The following ABCD2 variants were observed in gnomAD, a reference collection of about 807,000 sequenced individuals.
ABCD2 encodes ATP-binding cassette sub-family D member 2.
Under a neutral mutation model 70.9 loss-of-function variants are expected in ABCD2, and 36 were observed. The ratio of observed to expected loss-of-function variants is 0.51; its 90% confidence interval spans 0.39 to 0.67. The LOEUF is 0.67. ABCD2 is among the 30% of genes least tolerant of loss of function. The pLI is 0.00. For missense variants in ABCD2, 729 were observed against 890.2 expected (o/e 0.82, Z 2.30); for synonymous variants, 304 against 306.9 (o/e 0.99, Z 0.10).
At position 39,558,684 on chromosome 12, in the gene ABCD2, C is replaced by T. The variant is rs143852755; in HGVS notation, c.2004-4553G>A. The stretch of plus-strand genomic sequence containing the variant: ...TGCTTTGCTTCCCCCTCACCTTCTG[C>T]CACGATCATAAGTTTTCTGAGGCCT... On this transcript the variant is annotated intron_variant, in intron 9 of 9. Coordinates refer to ENST00000308666, the MANE Select transcript of ABCD2 (RefSeq NM_005164.4). Among the ~76,000 whole-genome samples the T allele has an allele frequency of 6.0e-3, 918 of 152,278 alleles. 2 individuals are homozygous for T. The highest frequency in any genetic ancestry group is 0.024 in the Middle Eastern group (7 of 294).
chr12:39,562,515 T>C (rs1225082121), intron 9 of ABCD2, among the ~76,000 whole-genome samples: 4 of 152,066 alleles, frequency 2.6e-5, no homozygotes, highest in African/African-American at 7.2e-5. Flanking sequence ...TTATAATTAA[T>C]ACTACAGAAA....
At position 39,586,238 on chromosome 12, in the gene ABCD2, T is replaced by C; in HGVS notation, c.1706A>G (p.Asp569Gly). 1.2e-6 allele frequency: 2 copies of C among 1,613,600 alleles called. No homozygotes were observed. The highest frequency in any genetic ancestry group is 1.7e-6 in the Non-Finnish European group (2 of 1,179,668). Reference protein sequence around the residue: ...DQVIYPDSVDDMHDKGYTDQD... With the variant: ...DQVIYPDSVDGMHDKGYTDQD... ...GTCTGTATAACCTTTATCATGCATA[T>C]CATCCACTGAATCAGGGTAAATGAC... is the stretch of plus-strand genomic sequence containing the variant. Residue 569 changes from aspartate (D) to glycine (G), a missense_variant, in exon 7 of 10, where the codon GAT (aspartate) becomes GGT (glycine). Physicochemically the swap from Asp to Gly is moderately conservative, Grantham distance 94. Coordinates refer to ENST00000308666, the MANE Select transcript of ABCD2 (RefSeq NM_005164.4).
Position 39,604,937 on chromosome 12 carries a change from G to A in ABCD2, c.1237-7C>T. ...AGCCTGCTAATTCAGTGACCTAAAA[G>A]CAACACAGAGATATAAAATAGAGTT... On this transcript the variant is annotated splice_region_variant and splice_polypyrimidine_tract_variant and intron_variant, in intron 3 of 9. Transcript: ENST00000308666. The A allele has an allele frequency of 6.4e-7, 1 of 1,565,098 alleles. No individual in the cohort carries two copies. Among genetic ancestry groups the A allele is most frequent in the Non-Finnish European group, 8.6e-7 (1 of 1,161,206 alleles).
chr12:39,570,206 T>C (rs1314171200), intron 9 of ABCD2, among the ~76,000 whole-genome samples: 6 of 152,234 alleles, frequency 3.9e-5, no homozygotes, highest in South Asian at 2.1e-4. Context: ...GAAATGCCAA[T>C]GATAGTCTTC....
At chr12:39,543,294 A>T in the ABCD2 span, among the ~76,000 whole-genome samples, 1 of 152,214 alleles carries the variant, frequency 6.6e-6, no homozygotes, top group Non-Finnish European at 1.5e-5. Context: ...CCAGCGTGAC[A>T]TTTGGACCCT....
chr12:39,586,949 G>A (rs896624565), intron 6 of ABCD2, among the ~76,000 whole-genome samples: 1 of 152,168 alleles, frequency 6.6e-6, no homozygotes, highest in Non-Finnish European at 1.5e-5. Context: ...CCACTGGCAG[G>A]CCTATGGGTA....
At chr12:39,532,069 T>C in the ABCD2 span, among the ~76,000 whole-genome samples, 2 of 152,148 alleles carry the variant, frequency 1.3e-5, no homozygotes, top group East Asian at 1.9e-4. Context: ...ACCTGAGAAA[T>C]AGAAGTGTAG....
At chr12:39,571,238 G>A (rs192766657) in intron 9 of ABCD2, among the ~76,000 whole-genome samples, 95 of 152,228 alleles carry the variant, frequency 6.2e-4, no homozygotes, top group Non-Finnish European at 1.1e-3. Context: ...CAAAGGAAAT[G>A]ATCTCAGTAT....
downstream of ABCD2, chr12:39,550,024 A>G (rs2120498409): frequency 6.6e-6 from 1 of 151,910 alleles, no homozygotes; most frequent in Admixed American, 6.6e-5. Context: ...TTCAATGGTC[A>G]CAAGCATCTT....
chr12:39,589,483 G>A (rs545613823), intron 6 of ABCD2, among the ~76,000 whole-genome samples: 27 of 147,816 alleles, frequency 1.8e-4, no homozygotes, highest in African/African-American at 6.2e-4. Flanking sequence ...TCCGCCTCCC[G>A]GGTTCTCGCT....
chr12:39,557,948 T>TG (rs1941194877), intron 9 of ABCD2, among the ~76,000 whole-genome samples: 1 of 152,324 alleles, frequency 6.6e-6, no homozygotes, highest in Admixed American at 6.5e-5. Flanking sequence ...GAGCCCCCAC[T>TG]GGGGCATTGC....
chr12:39,559,530 G>C (rs1388410393), intron 9 of ABCD2, among the ~76,000 whole-genome samples: 1 of 151,856 alleles, frequency 6.6e-6, no homozygotes, highest in Non-Finnish European at 1.5e-5. Context: ...GTACAGGAAG[G>C]TCAAAAGTCT....
Position 39,619,148 on chromosome 12 carries a change from A to C in ABCD2, c.468T>G (p.Pro156=), listed in dbSNP as rs1261311701. The change falls in exon 1 of 10, where the codon CCT becomes CCG. Residue 156 remains proline, a synonymous_variant. Transcript: ENST00000308666. ...KLIKWLMIAI[P]ATFVNSAIRY... ...TTATTGCACTGTTGACGAAGGTAGCAGGGATGGCAATCATAAGCCACTTGA... is the reference window on the plus strand; with the variant it reads ...TTATTGCACTGTTGACGAAGGTAGCCGGGATGGCAATCATAAGCCACTTGA... The C allele has an allele frequency of 6.2e-7, 1 of 1,614,224 alleles. No homozygotes were observed. The highest frequency in any genetic ancestry group is 8.5e-7 in the Non-Finnish European group (1 of 1,180,032).
chr12:39,563,689 A>G (rs1391853916), intron 9 of ABCD2, among the ~76,000 whole-genome samples: 3 of 152,116 alleles, frequency 2.0e-5, no homozygotes, highest in Admixed American at 2.0e-4. Context: ...GGTTAGTTAC[A>G]TATGTATACA....
intron 9 of ABCD2, among the ~76,000 whole-genome samples, chr12:39,558,229 G>T (rs1941199151): frequency 6.6e-6 from 1 of 152,208 alleles, no homozygotes; most frequent in Non-Finnish European, 1.5e-5. Flanking sequence ...TTTGCACAGG[G>T]CCTATAGCCC....
chr12:39,549,571 A>T (rs1941060238), downstream of ABCD2, among the ~76,000 whole-genome samples: 1 of 151,848 alleles, frequency 6.6e-6, no homozygotes, highest in Non-Finnish European at 1.5e-5. Context: ...CCTCTCCCAT[A>T]GGACCACACC....
chr12:39,618,984 G>GT lies in ABCD2; in HGVS notation c.631dup (p.Thr211AsnfsTer59). ...TTGGGAGAACATCATAATATCCTCC[G>GT]TAAGAGATTGGTCAGGGTTTGCCAG... On this transcript the variant is annotated frameshift_variant, in exon 1 of 10. Transcript: ENST00000308666. LOFTEE classifies it high-confidence loss of function. 4 of 1,614,166 alleles carry GT rather than the reference G, an allele frequency of 2.5e-6. No homozygotes were observed. Among genetic ancestry groups the GT allele is most frequent in the Non-Finnish European group, 2.5e-6 (3 of 1,180,032 alleles).
chr12:39,535,212 G>A, the ABCD2 span, among the ~76,000 whole-genome samples: 1 of 152,090 alleles, frequency 6.6e-6, no homozygotes, highest in African/African-American at 2.4e-5. Flanking sequence ...GGAATCAGAC[G>A]GTGGGATTAA....
intron 6 of ABCD2, among the ~76,000 whole-genome samples, chr12:39,590,007 A>G (rs1351655030): frequency 6.6e-6 from 1 of 152,188 alleles, no homozygotes; most frequent in African/African-American, 2.4e-5. Flanking sequence ...CTCTGGAAAG[A>G]CTGTGTCAAG....
Sources: gnomAD v4.1 joint callset for allele counts (sites outside exome capture counted in the v4.1 genomes callset) on GRCh38, gnomAD v4.1.1 for gene constraint, MANE v1.5 for transcripts, NCBI Gene and HGNC (gene_info 2026-07-23, HGNC 2026-07-21) for gene names.